Variants in CHD1L observed in about 807,000 individuals in gnomAD.
The protein encoded by CHD1L is ATP-dependent chromatin remodeler CHD1L.
A neutral mutation model predicts 115.9 loss-of-function variants in CHD1L; 118 were observed. The ratio of observed to expected loss-of-function variants is 1.02; its 90% CI spans 0.88 to 1.19. CHD1L has a LOEUF of 1.19. Ranked by LOEUF, CHD1L falls within the 50% of genes most tolerant of loss-of-function variation. The pLI is 0.00. For missense variants in CHD1L, 1,179 were observed against 1,065.3 expected, an observed-to-expected ratio of 1.11 and a Z score of -1.49; for synonymous variants, 411 against 387.1, an observed-to-expected ratio of 1.06 and a Z score of -0.72.
rs1176600776 is a variant in CHD1L, at chr1:147,288,585, G to A, written c.2320+852G>A. The stretch of plus-strand genomic sequence containing the variant: ...AATCCCAGCTACTCAGGAGGCTGAG[G>A]CAGAAGAATCACTTGAACCTGGGAG... On this transcript the variant is annotated intron_variant, in intron 19 of 22. Coordinates refer to ENST00000369258, the MANE Select transcript of CHD1L (RefSeq NM_004284.6). 3.3e-5 allele frequency among the ~76,000 whole-genome samples: 5 copies of A among 152,136 alleles called. No individual in the cohort carries two copies. The East Asian group carries it at 9.6e-4, about 29-fold the overall frequency.
At chr1:147,204,975 C>G in the CHD1L span, 73 of 1,165,500 alleles carry the variant, frequency 6.3e-5, no homozygotes, top group Non-Finnish European at 6.4e-5. Flanking sequence ...CTCAGAAGAC[C>G]GCGGAGGAAC....
chr1:147,271,025 A>G lies in CHD1L; in HGVS notation c.1159+20A>G. ...ACAGAGGTGACACCTTTTGGCCACT[A>G]CATTACCTAAGGCTCTGTTAGACTT... On this transcript the variant is annotated intron_variant, in intron 11 of 22. Transcript: ENST00000369258. 11 of 1,593,576 alleles carry G rather than the reference A, an allele frequency of 6.9e-6. No homozygotes were observed. Among genetic ancestry groups the G allele is most frequent in the Non-Finnish European group, 9.5e-6 (11 of 1,161,354 alleles).
At chr1:147,244,702 TATC>T (rs1442735937) in intron 1 of CHD1L, among the ~76,000 whole-genome samples, 15 of 125,602 alleles carry the variant, frequency 1.2e-4, no homozygotes, top group Non-Finnish European at 2.3e-4. Context: ...TTTTTTTCCT[TATC>T]ATTCAGTCTT....
At chr1:147,196,594 A>T in the CHD1L span, among the ~76,000 whole-genome samples, 5,743 of 152,138 alleles carry the variant, frequency 0.038, 121 homozygotes, top group African/African-American at 0.05. Flanking sequence ...GAAAAAATTT[A>T]AAAAAATTAA....
At chr1:147,175,338 CAT>C in the CHD1L span, 2 of 152,052 alleles carry the variant, frequency 1.3e-5, no homozygotes, top group African/African-American at 2.4e-5. Flanking sequence ...ATGGAAAAAA[CAT>C]AATGTCCTTC....
At chr1:147,192,936 G>T in the CHD1L span, among the ~76,000 whole-genome samples, 2,644 of 152,158 alleles carry the variant, frequency 0.017, 88 homozygotes, top group African/African-American at 0.061. Context: ...GAGGATTTTT[G>T]CATCAATGTT....
At chr1:147,238,532 T>TA (rs587596769), upstream of CHD1L, among the ~76,000 whole-genome samples, 11 of 152,302 alleles carry the variant, frequency 7.2e-5, no homozygotes, top group South Asian at 2.3e-3. Context: ...TGTGGAGGAA[T>TA]AAAACAATTA....
At chr1:147,294,599 C>CA (rs1423218322) in intron 22 of CHD1L, 82 bp downstream of exon 22, 4 of 1,086,660 alleles carry the variant, frequency 3.7e-6, no homozygotes, top group Non-Finnish European at 5.4e-6. Context: ...GTTCTTAATC[C>CA]AAGACCAAGT....
intron 10 of CHD1L, among the ~76,000 whole-genome samples, 189 bp from the exon 11 acceptor site, chr1:147,270,743 C>T (rs1675843602): frequency 1.3e-5 from 2 of 152,304 alleles, no homozygotes; most frequent in South Asian, 4.1e-4. Flanking sequence ...AGGGATACAG[C>T]TACCTGTGGA....
At chr1:147,267,662 A>G (rs1571879914) in intron 9 of CHD1L, 144 bp downstream of exon 9, 1 of 623,316 alleles carries the variant, frequency 1.6e-6, no homozygotes, top group East Asian at 2.9e-5. Flanking sequence ...ATTAACTCAT[A>G]TATTCATGTT....
chr1:147,242,318 TCTTA>T (rs1664988802), upstream of CHD1L, among the ~76,000 whole-genome samples: 1 of 152,128 alleles, frequency 6.6e-6, no homozygotes, highest in South Asian at 2.1e-4. Context: ...ACGGAACAAG[TCTTA>T]CTTCTAGAAC....
At chr1:147,192,185 A>C in the CHD1L span, among the ~76,000 whole-genome samples, 7 of 151,974 alleles carry the variant, frequency 4.6e-5, no homozygotes, top group African/African-American at 1.7e-4. Flanking sequence ...CTTTTATTTC[A>C]TTGAGCAGTG....
At chr1:147,259,999 C>A (rs781992466) in intron 6 of CHD1L, 81 bp downstream of exon 6, 151 of 1,129,956 alleles carry the variant, frequency 1.3e-4, no homozygotes, top group Non-Finnish European at 1.8e-4. Context: ...ATTTTAGATT[C>A]ACAACAAAAT....
the CHD1L span, chr1:147,186,283 GA>G: frequency 9.3e-6 from 9 of 972,834 alleles, no homozygotes; most frequent in Non-Finnish European, 1.1e-5. Context: ...TCTTTATTGA[GA>G]AAATAAAGAC....
chr1:147,233,595 C>T, the CHD1L span, among the ~76,000 whole-genome samples: 23 of 152,238 alleles, frequency 1.5e-4, no homozygotes, highest in East Asian at 2.3e-3. Context: ...CTGGGAGGTG[C>T]ACCCAACATG....
At chr1:147,182,397 T>C in the CHD1L span, among the ~76,000 whole-genome samples, 1 of 152,178 alleles carries the variant, frequency 6.6e-6, no homozygotes, top group Non-Finnish European at 1.5e-5. Context: ...ATGCTGAAGA[T>C]AGTGGAGCAA....
At chr1:147,204,019 T>C in the CHD1L span, 4 of 1,193,336 alleles carry the variant, frequency 3.4e-6, no homozygotes. Context: ...TATATTTGTT[T>C]GCATAATGAA....
chr1:147,253,885 A>C (rs1669205730), intron 2 of CHD1L, among the ~76,000 whole-genome samples: 2 of 152,246 alleles, frequency 1.3e-5, no homozygotes, highest in Non-Finnish European at 1.5e-5. Flanking sequence ...TATTCTTCAC[A>C]GTCATTATCA....
At chr1:147,212,482 C>A in the CHD1L span, 1 of 1,613,900 alleles carries the variant, frequency 6.2e-7, no homozygotes, top group East Asian at 2.2e-5. Flanking sequence ...GTGAATCCCT[C>A]TGGGTTCTTA....
Sources: gnomAD v4.1 joint callset for allele counts (sites outside exome capture counted in the v4.1 genomes callset) on GRCh38, gnomAD v4.1.1 for gene constraint, MANE v1.5 for transcripts, NCBI Gene and HGNC (gene_info 2026-07-23, HGNC 2026-07-21) for gene names.